The following ADAMTS1 variants were observed in gnomAD, a reference collection of about 807,000 sequenced individuals.
ADAMTS1 encodes the protein A disintegrin and metalloproteinase with thrombospondin motifs 1.
A neutral mutation model predicts 87.9 loss-of-function variants in ADAMTS1; 19 were observed. The ratio of observed to expected loss-of-function variants is 0.22; its 90% CI spans 0.15 to 0.32. The LOEUF is 0.32. ADAMTS1 is among the 10% of genes least tolerant of loss of function. The probability of loss-of-function intolerance (pLI) is 1.00; values close to 1 mark genes in which losing one functional copy is unlikely to be tolerated. For missense variants in ADAMTS1, 1,240 were observed against 1,259.1 expected (o/e 0.98, Z 0.23); for synonymous variants, 542 against 501.8 (o/e 1.08, Z -1.07).
At chr21:26,842,900 G>A (rs550884411) in intron 1 of ADAMTS1, 1 of 567,846 alleles carries the variant, frequency 1.8e-6, no homozygotes, top group Non-Finnish European at 3.1e-6. Flanking sequence ...TCCTTTGCAT[G>A]GTCAGGATCT....
Position 26,845,050 on chromosome 21 carries a change from G to C in ADAMTS1, c.-96C>G. 2 of 1,342,684 alleles carry C rather than the reference G, an allele frequency of 1.5e-6. No individual in the cohort carries two copies. Among genetic ancestry groups the C allele is most frequent in the East Asian group, 5.4e-5 (2 of 37,118 alleles). 83.2% of individuals were successfully genotyped at this position (1,342,684 alleles called of 1,614,324 possible). A position where few individuals can be genotyped will look rare whatever the true frequency, so the allele number is the denominator to read the frequency against. On this transcript the variant is annotated 5_prime_UTR_variant, in exon 1 of 9. Transcript: ENST00000284984. ...AAGCCTCGTTGGCCTGCTCTGGATT[G>C]TTAAAATTAACAATTTCTATTATTC...
chr21:26,844,273 G>C lies in ADAMTS1; in HGVS notation c.682C>G (p.Gln228Glu). ...AGTGCCGGGTCCTGCGGCGACCACT[G>C]AGCCCCTTCGTCCTCGCCCTCAGTC... Reference protein sequence around the residue: ...EGTEGEDEGAQWSPQDPALQG... With the variant: ...EGTEGEDEGAEWSPQDPALQG... Residue 228 changes from glutamine to glutamate, a missense_variant, in exon 1 of 9, where the codon CAG becomes GAG. By Grantham distance (29) the Gln-to-Glu change is conservative (BLOSUM62 2). Around this residue, in one of 3 missense-constraint regions of ADAMTS1, gnomAD observed 521 missense variants for 449.7 expected, o/e 1.16. Coordinates refer to ENST00000284984, the MANE Select transcript of ADAMTS1 (RefSeq NM_006988.5). 6.2e-7 allele frequency: 1 copy of C among 1,600,118 alleles called. No homozygotes were observed. The highest frequency in any genetic ancestry group is 1.1e-5 in the South Asian group (1 of 88,700).
chr21:26,841,109 C>T lies in ADAMTS1; in HGVS notation c.1267G>A (p.Val423Met), dbSNP rs1985484478. ...GCCATCATGTGGGAATCCTGGTTCA[C>T]ACCATTAAGGCTGGCACACTGCTTT... ...DAKQCASLNGVNQDSHMMASM... is the reference protein window; with the variant it reads ...DAKQCASLNGMNQDSHMMASM... Residue 423 changes from valine (V) to methionine (M), a missense_variant, in exon 4 of 9, where the codon GTG becomes ATG. Physicochemically the swap from Val to Met is conservative, Grantham distance 21. This residue lies in a region of ADAMTS1 where 317 missense variants were observed against 410.3 expected (regional missense o/e 0.77). Coordinates refer to ENST00000284984, the MANE Select transcript of ADAMTS1 (RefSeq NM_006988.5). The T allele has an allele frequency of 6.2e-7, 1 of 1,614,170 alleles. No individual in the cohort carries two copies. Among genetic ancestry groups the T allele is most frequent in the Non-Finnish European group, 8.5e-7 (1 of 1,180,044 alleles).
chr21:26,844,105 C>T, intron 1 of ADAMTS1, 120 bp downstream of exon 1: 1 of 1,292,400 alleles, frequency 7.7e-7, no homozygotes. Flanking sequence ...TCCAGGCCTC[C>T]GTTCTGTCCG....
At chr21:26,840,158 A>G (rs1985461995) in intron 5 of ADAMTS1, 97 bp from the exon 6 acceptor site, 2 of 1,548,634 alleles carry the variant, frequency 1.3e-6, no homozygotes, top group Non-Finnish European at 1.7e-6. Flanking sequence ...AGTTCTAAAA[A>G]TAAGCTATCT....
At position 26,844,490 on chromosome 21, in the gene ADAMTS1, C is replaced by A. The variant is rs1472409937; in HGVS notation, c.465G>T (p.Ala155=). ...VRGAFYLLGE[A]YFIQPLPAAS... Reference sequence around the variant, plus strand: ...CGGCGGGCAGCGGCTGGATGAAATACGCCTCCCCCAGCAGGTAGAAGGCGC... The same window carrying A: ...CGGCGGGCAGCGGCTGGATGAAATAAGCCTCCCCCAGCAGGTAGAAGGCGC... Residue 155 remains alanine, a synonymous_variant, in exon 1 of 9, where the codon GCG becomes GCT. Coordinates refer to ENST00000284984, the MANE Select transcript of ADAMTS1 (RefSeq NM_006988.5). The A allele has an allele frequency of 6.3e-7, 1 of 1,591,832 alleles. No individual in the cohort carries two copies. Among genetic ancestry groups the A allele is most frequent in the Admixed American group, 1.7e-5 (1 of 57,230 alleles).
rs1346066508 is a variant in ADAMTS1, at chr21:26,838,504, T to C, written c.2139A>G (p.Lys713=). The change falls in exon 8 of 9, where the codon AAA becomes AAG. Residue 713 remains lysine, a synonymous_variant. Coordinates refer to ENST00000284984, the MANE Select transcript of ADAMTS1 (RefSeq NM_006988.5). ...RIIDSKKKFD[K]CGVCGGNGST... is the part of the protein sequence containing the mutation. ...ATCCATTTCCCCCGCAAACACCACA[T>C]TTATCAAACTTCTTTTTGGAGTCTA... The C allele has an allele frequency of 1.2e-6, 2 of 1,614,220 alleles. No individual in the cohort carries two copies. The highest frequency in any genetic ancestry group is 8.5e-7 in the Non-Finnish European group (1 of 1,180,036).
At chr21:26,843,789 C>A (rs751411973) in intron 1 of ADAMTS1, 19 of 482,084 alleles carry the variant, frequency 3.9e-5, no homozygotes, top group South Asian at 2.7e-4. Context: ...TCCGCCCTCC[C>A]GTGAGCGCAG....
rs1263783476 is a variant in ADAMTS1, at chr21:26,836,127, GA to G, written c.*1451del. ...AGGATATAAGAAATACATCTCATTAGAAAAAAATCTTCTATTCAGCCGTCTT... is the reference window on the plus strand; with the variant it reads ...AGGATATAAGAAATACATCTCATTAGAAAAAATCTTCTATTCAGCCGTCTT... On this transcript the variant is annotated 3_prime_UTR_variant, in exon 9 of 9. Transcript: ENST00000284984. 1 of 152,054 alleles carries G rather than the reference GA, an allele frequency of 6.6e-6. No homozygotes were observed. The highest frequency in any genetic ancestry group is 2.4e-5 in the African/African-American group (1 of 41,400). 9.4% of individuals were successfully genotyped at this position (152,054 alleles called of 1,614,324 possible).
In ADAMTS1 at chr21:26,842,683, TTCCTG is replaced by T. The variant is rs1601923811; in HGVS notation, c.731-3_732del. 1 of 1,608,448 alleles carries T rather than the reference TTCCTG, an allele frequency of 6.2e-7. No individual in the cohort carries two copies. ...AATCGCTTCTTTCTTATGCTTCCAG[TTCCTG>T]TAAAGAAAAAAAAAAGTTTGCTTAT... On this transcript the variant is annotated splice_acceptor_variant and splice_polypyrimidine_tract_variant and coding_sequence_variant and intron_variant, in exon 2 of 9. Coordinates refer to ENST00000284984, the MANE Select transcript of ADAMTS1 (RefSeq NM_006988.5). LOFTEE classifies it high-confidence loss of function.
intron 4 of ADAMTS1, 85 bp downstream of exon 4, chr21:26,840,911 AAG>A: frequency 6.9e-7 from 1 of 1,452,926 alleles, no homozygotes; most frequent in Non-Finnish European, 9.4e-7. Context: ...GGAAAATAAA[AAG>A]AACAAAAAGG....
rs757098917 is a variant in ADAMTS1 at position 26,837,550 on chromosome 21, G to GC, written c.*28dup. 54 of 1,598,512 alleles carry GC rather than the reference G, an allele frequency of 3.4e-5. No individual in the cohort carries two copies. In the South Asian group the frequency reaches 5.2e-4, roughly 15 times the overall value. On this transcript the variant is annotated 3_prime_UTR_variant, in exon 9 of 9. Transcript: ENST00000284984. ...CACCAGCCCTTCCTCACTTTGCCTT[G>GC]CCCTCAAAGCTAACACCACTTAAAC... is the stretch of plus-strand genomic sequence containing the variant.
At chr21:26,843,067 C>T (rs1351861871) in intron 1 of ADAMTS1, 1 of 274,060 alleles carries the variant, frequency 3.6e-6, no homozygotes, top group African/African-American at 2.3e-5. Context: ...GGGCTCAAAT[C>T]CTGAATGAGA....
Position 26,838,547 on chromosome 21 carries a change from G to C in ADAMTS1, c.2096C>G (p.Ala699Gly). The change falls in exon 8 of 9, where the codon GCT becomes GGT. Residue 699 changes from alanine to glycine, a missense_variant. Around this residue, in one of 3 missense-constraint regions of ADAMTS1, gnomAD observed 402 missense variants for 399.1 expected, o/e 1.01. Transcript: ENST00000284984. ...GGAGTCTATGATGCGATCACAACCA[G>C]CTTTTACACACTGTCCTTGCACACA... ...SVCVQGQCVK[A>G]GCDRIIDSKK... 1 of 1,614,138 alleles carries C rather than the reference G, an allele frequency of 6.2e-7. No homozygotes were observed. Among genetic ancestry groups the C allele is most frequent in the Non-Finnish European group, 8.5e-7 (1 of 1,180,024 alleles).
rs781174853 is a variant in ADAMTS1 at position 26,840,582 on chromosome 21, C to A, written c.1379-20G>T. The A allele has an allele frequency of 1.2e-6, 2 of 1,610,202 alleles. No homozygotes were observed. Among genetic ancestry groups the A allele is most frequent in the Admixed American group, 3.3e-5 (2 of 59,906 alleles). ...ATTCCCCTGCAAAGGAAATGCCAAC[C>A]AATATCAATACAGAGTTAGTGAGGG... On this transcript the variant is annotated intron_variant, in intron 4 of 8. Coordinates refer to ENST00000284984, the MANE Select transcript of ADAMTS1 (RefSeq NM_006988.5).
chr21:26,837,760 G>A lies in ADAMTS1; in HGVS notation c.2723C>T (p.Pro908Leu), dbSNP rs929940945. The change falls in exon 9 of 9, where the codon CCC becomes CTC. Residue 908 changes from proline (P) to leucine (L), a missense_variant. This residue lies in a region of ADAMTS1 where 402 missense variants were observed against 399.1 expected (regional missense o/e 1.01). Transcript: ENST00000284984. The stretch of plus-strand genomic sequence containing the variant: ...CTCCCCCAGCTGCCACTGGGGGCAG[G>A]GATGGTCTGCACAAGGTCTGGTGCT... ...PASTRPCADH[P>L]CPQWQLGEWS... The A allele has an allele frequency of 2.8e-5, 46 of 1,614,156 alleles. No individual in the cohort carries two copies. The highest frequency in any genetic ancestry group is 1.6e-4 in the Middle Eastern group (1 of 6,062).
intron 3 of ADAMTS1, 46 bp from the exon 4 acceptor site, chr21:26,841,211 G>A: frequency 6.3e-7 from 1 of 1,596,622 alleles, no homozygotes; most frequent in East Asian, 2.2e-5. Context: ...ATCATGGCTG[G>A]GTGCGGTGGC....
rs148146323 is a variant in ADAMTS1, at chr21:26,835,884, C to T, written c.*1695G>A. On this transcript the variant is annotated 3_prime_UTR_variant, in exon 9 of 9. Coordinates refer to ENST00000284984, the MANE Select transcript of ADAMTS1 (RefSeq NM_006988.5). ...ACACAGCCATGTCCATTCACTTACT[C>T]ATTCTTTATGGCTAGTTTTGTGCTA... The T allele has an allele frequency of 7.2e-5, 11 of 152,308 alleles. No individual in the cohort carries two copies. The East Asian group carries it at 1.9e-3, about 27-fold the overall frequency. The allele number at this position is 152,308 out of a possible 1,614,324, so 9.4% of individuals were successfully genotyped here. A position where few individuals can be genotyped will look rare whatever the true frequency, so the allele number is the denominator to read the frequency against.
At chr21:26,839,836 TAATCCAG>T in intron 6 of ADAMTS1, 32 bp downstream of exon 6, 1 of 1,605,926 alleles carries the variant, frequency 6.2e-7, no homozygotes, top group Non-Finnish European at 8.5e-7. Flanking sequence ...CATCTTTTTT[TAATCCAG>T]TTTCTTAAAA....
Sources: gnomAD v4.1 joint callset for allele counts on GRCh38, gnomAD v4.1.1 for gene constraint, gnomAD v4.1.1 regional missense constraint, MANE v1.5 for transcripts, NCBI Gene and HGNC (gene_info 2026-07-23, HGNC 2026-07-21) for gene names.